Variants in AGBL1 observed in about 807,000 individuals in gnomAD.
AGBL1 encodes cytosolic carboxypeptidase 4.
A neutral mutation model predicts 118.9 loss-of-function variants in AGBL1; 130 were observed. The ratio of observed to expected loss-of-function variants is 1.09; its 90% CI spans 0.95 to 1.26. The LOEUF is 1.26. Ranked by LOEUF, AGBL1 falls within the 50% of genes most tolerant of loss-of-function variation. The pLI, the probability that AGBL1 is intolerant of heterozygous loss-of-function variation, is 0.00. For missense variants in AGBL1, 1,584 were observed against 1,298.1 expected (o/e 1.22, Z -3.38); for synonymous variants, 555 against 478.9 (o/e 1.16, Z -2.08).
At chr15:86,600,774 G>A (rs1271347236) in intron 21 of AGBL1, among the ~76,000 whole-genome samples, 2 of 152,124 alleles carry the variant, frequency 1.3e-5, no homozygotes, top group South Asian at 2.1e-4. Context: ...TGGCTAAGCA[G>A]TATCAAAATC....
intron 18 of AGBL1, among the ~76,000 whole-genome samples, chr15:86,445,059 A>G (rs868377367): frequency 9.2e-5 from 14 of 152,234 alleles, no homozygotes; most frequent in Admixed American, 5.2e-4. Context: ...GGGTGTGAAA[A>G]AAATCTGTAT....
chr15:86,128,948 C>G (rs748078219), intron 1 of AGBL1, among the ~76,000 whole-genome samples: 1 of 152,116 alleles, frequency 6.6e-6, no homozygotes, highest in Non-Finnish European at 1.5e-5. Context: ...TAAATATCTC[C>G]CAATTATATT....
chr15:86,815,736 A>G (rs2078849161), intron 22 of AGBL1, among the ~76,000 whole-genome samples: 1 of 137,704 alleles, frequency 7.3e-6, no homozygotes, highest in East Asian at 2.0e-4. Flanking sequence ...CAAAATCCCA[A>G]CCCCAGCTCT....
rs187817327 is a variant in AGBL1 at position 87,015,833 on chromosome 15, A to C, written c.3324-12992A>C. 2.5e-3 allele frequency among the ~76,000 whole-genome samples: 378 copies of C among 152,272 alleles called. 1 individual carries two copies. Among genetic ancestry groups the C allele is most frequent in the African/African-American group, 8.7e-3 (360 of 41,560 alleles). On this transcript the variant is annotated intron_variant, in intron 24 of 24. Transcript: ENST00000441037. ...GTAATTTTTAGACACTTATGGGAAA[A>C]ATGCCCTCATGGGCTAAAGAGGTCA...
intron 18 of AGBL1, among the ~76,000 whole-genome samples, chr15:86,421,328 A>C (rs1167912614): frequency 6.6e-6 from 1 of 151,948 alleles, no homozygotes. Flanking sequence ...AAGAAAAAAA[A>C]CTCAGAATTT....
At chr15:86,478,997 T>G (rs1340948386) in intron 18 of AGBL1, among the ~76,000 whole-genome samples, 3 of 152,196 alleles carry the variant, frequency 2.0e-5, no homozygotes, top group Non-Finnish European at 4.4e-5. Flanking sequence ...ATTCCCTGTT[T>G]AATAAATGGT....
At chr15:86,984,161 A>G (rs778865617) in intron 23 of AGBL1, among the ~76,000 whole-genome samples, 9 of 152,164 alleles carry the variant, frequency 5.9e-5, no homozygotes, top group Admixed American at 2.6e-4. Flanking sequence ...GGTTTCAGGT[A>G]ATCCATATTC....
At chr15:86,106,706 G>A (rs1459006172) in intron 1 of AGBL1, among the ~76,000 whole-genome samples, 1 of 152,202 alleles carries the variant, frequency 6.6e-6, no homozygotes, top group Non-Finnish European at 1.5e-5. Context: ...CCATTTTACT[G>A]ATCTGGGCTG....
intron 23 of AGBL1, among the ~76,000 whole-genome samples, chr15:86,976,103 G>A (rs2081174045): frequency 6.6e-6 from 1 of 151,182 alleles, no homozygotes. Flanking sequence ...GTATGAATAG[G>A]ATAAAAAATT....
chr15:86,104,459 T>A (rs1309586931), intron 1 of AGBL1, among the ~76,000 whole-genome samples: 1 of 152,198 alleles, frequency 6.6e-6, no homozygotes, highest in African/African-American at 2.4e-5. Flanking sequence ...GCACAGTGGC[T>A]CTGCTGCTGA....
chr15:86,616,347 A>AT (rs1555430802), intron 21 of AGBL1, among the ~76,000 whole-genome samples: 1,414 of 51,982 alleles, frequency 0.027, 40 homozygotes, highest in South Asian at 0.15. Flanking sequence ...TTCAAAAAAA[A>AT]AAAAAAAAAA....
intron 22 of AGBL1, among the ~76,000 whole-genome samples, chr15:86,863,795 G>C (rs893102501): frequency 6.6e-6 from 1 of 152,110 alleles, no homozygotes; most frequent in Non-Finnish European, 1.5e-5. Flanking sequence ...AAAACACATG[G>C]GTTCTGAAGT....
intron 21 of AGBL1, among the ~76,000 whole-genome samples, chr15:86,612,065 C>G (rs1433941128): frequency 6.6e-6 from 1 of 152,074 alleles, no homozygotes; most frequent in East Asian, 1.9e-4. Flanking sequence ...AGCTTCTCTA[C>G]TTAGTAATTG....
rs542264681 is a variant in AGBL1, at chr15:86,222,646, A to G, written c.489-2268A>G. Among the ~76,000 whole-genome samples, 17 of 152,296 alleles carry G rather than the reference A, an allele frequency of 1.1e-4. No individual in the cohort carries two copies. The South Asian group carries it at 3.5e-3, about 32-fold the overall frequency. On this transcript the variant is annotated intron_variant, in intron 5 of 22. Coordinates refer to ENST00000614907, the MANE Select transcript of AGBL1 (RefSeq NM_001386094.1). The stretch of plus-strand genomic sequence containing the variant: ...TTGCCCTAAATGTGCCCTTTGCTGC[A>G]CTAAACATTGATCTCCTACTTATGC...
chr15:86,565,695 C>T (rs1032319114), intron 21 of AGBL1, among the ~76,000 whole-genome samples: 1 of 152,228 alleles, frequency 6.6e-6, no homozygotes, highest in Admixed American at 6.5e-5. Context: ...GAGATTTCTG[C>T]TGCCTTTTGT....
At chr15:86,723,315 G>C (rs4523896) in intron 22 of AGBL1, among the ~76,000 whole-genome samples, 124,512 of 152,240 alleles carry the variant, frequency 0.82, 51,126 homozygotes, top group East Asian at 0.93. Flanking sequence ...CCATGGAATA[G>C]TATGCAGCCA....
chr15:86,481,830 T>C (rs1302637428), intron 18 of AGBL1, among the ~76,000 whole-genome samples: 1 of 152,150 alleles, frequency 6.6e-6, no homozygotes, highest in Non-Finnish European at 1.5e-5. Context: ...AATCCCAATA[T>C]AGCATCTCTG....
At chr15:86,478,482 A>G (rs1274460959) in intron 18 of AGBL1, among the ~76,000 whole-genome samples, 1 of 152,216 alleles carries the variant, frequency 6.6e-6, no homozygotes, top group Non-Finnish European at 1.5e-5. Flanking sequence ...GCCATTCACA[A>G]TTGCTTCGAA....
chr15:86,795,223 G>T (rs933019095), intron 22 of AGBL1, among the ~76,000 whole-genome samples: 1 of 152,174 alleles, frequency 6.6e-6, no homozygotes, highest in African/African-American at 2.4e-5. Context: ...GCTCTTGCTT[G>T]GATCCCCTGC....
Sources: gnomAD v4.1 joint callset for allele counts (sites outside exome capture counted in the v4.1 genomes callset) on GRCh38, gnomAD v4.1.1 for gene constraint, MANE v1.5 for transcripts, NCBI Gene and HGNC (gene_info 2026-07-23, HGNC 2026-07-21) for gene names.